SPACA9: variants seen among roughly 807,000 people sequenced by gnomAD.
SPACA9 encodes the protein sperm acrosome-associated protein 9.
Under a neutral mutation model 12.5 loss-of-function variants are expected in SPACA9, and 14 were observed. That is an observed-to-expected ratio of 1.12 (90% CI 0.74 to 1.75). The LOEUF is 1.75. SPACA9 is among the 40% of genes most tolerant of loss of function. SPACA9 has a pLI of 0.00. For missense variants in SPACA9, 292 were observed against 291.9 expected (o/e 1.00, Z 0.00); for synonymous variants, 111 against 114.1 (o/e 0.97, Z 0.17).
chr9:132,878,416 C>T, upstream of SPACA9: 1 of 1,236,120 alleles, frequency 8.1e-7, no homozygotes, highest in Non-Finnish European at 1.0e-6. The surrounding 1 kb of genome is among the most constrained non-coding windows in gnomAD (Gnocchi z 4.7). Flanking sequence ...ACCTCCCCGG[C>T]TGACGCGCTC....
Position 132,889,089 on chromosome 9 carries a change from C to T in SPACA9, c.*478C>T. 1 of 994,686 alleles carries T rather than the reference C, an allele frequency of 1.0e-6. No homozygotes were observed. The highest frequency in any genetic ancestry group is 1.2e-6 in the Non-Finnish European group (1 of 834,850). 61.6% of individuals were successfully genotyped at this position (994,686 alleles called of 1,614,324 possible). ...CCGGCCCTCTTGCTTTAACTTCTAA[C>T]ATTTCCACTTCTAAGCATCAGGCTC... On this transcript the variant is annotated 3_prime_UTR_variant, in exon 4 of 4. Coordinates refer to ENST00000356311, the MANE Select transcript of SPACA9 (RefSeq NM_001316897.2).
intron 1 of SPACA9, among the ~76,000 whole-genome samples, chr9:132,881,363 G>C (rs1038167209): frequency 1.3e-5 from 2 of 151,126 alleles, no homozygotes; most frequent in South Asian, 2.1e-4. Flanking sequence ...AGCTACTCAA[G>C]AGGCTGAGGC....
Position 132,887,049 on chromosome 9 carries a change from T to C in SPACA9, c.145-320T>C, listed in dbSNP as rs1844585103. ...CTGGTCTCGAACTCCTGACCTCAAGTGATCCCCGCCCACCTCAGCCTCCCA... is the reference window on the plus strand; with the variant it reads ...CTGGTCTCGAACTCCTGACCTCAAGCGATCCCCGCCCACCTCAGCCTCCCA... On this transcript the variant is annotated intron_variant, in intron 2 of 3. Transcript: ENST00000356311. The surrounding 1 kb of genome is among the most constrained non-coding windows in gnomAD (Gnocchi z 5.4). Among the ~76,000 whole-genome samples, 1 of 151,946 alleles carries C rather than the reference T, an allele frequency of 6.6e-6. No homozygotes were observed. Among genetic ancestry groups the C allele is most frequent in the Non-Finnish European group, 1.5e-5 (1 of 67,968 alleles).
rs771872116 is a variant in SPACA9 at position 132,887,623 on chromosome 9, C to A, written c.347+52C>A. ...GGCCCCGTGTGTGCCTGTGGGGAGG[C>A]CTCTGTCCTGCTTCTTTCCTGTTGC... On this transcript the variant is annotated intron_variant, in intron 3 of 3. Coordinates refer to ENST00000356311, the MANE Select transcript of SPACA9 (RefSeq NM_001316897.2). This position sits in a 1 kb window ranked among gnomAD's most constrained non-coding sequence, Gnocchi z 5.4. 1 of 1,499,008 alleles carries A rather than the reference C, an allele frequency of 6.7e-7. No individual in the cohort carries two copies. The highest frequency in any genetic ancestry group is 1.1e-5 in the South Asian group (1 of 88,114). 92.9% of individuals were successfully genotyped at this position (1,499,008 alleles called of 1,614,324 possible).
chr9:132,878,398 C>G (rs762190956), upstream of SPACA9: 194 of 1,241,940 alleles, frequency 1.6e-4, no homozygotes, highest in Non-Finnish European at 1.8e-4. The surrounding 1 kb of genome is among the most constrained non-coding windows in gnomAD (Gnocchi z 4.7). Flanking sequence ...CGGGTCGCCC[C>G]CGCCCCGACC....
downstream of SPACA9, chr9:132,890,186 G>C (rs1323375360): frequency 1.3e-5 from 5 of 375,168 alleles, no homozygotes; most frequent in Non-Finnish European, 2.4e-5. Context: ...CGGCTTCTAA[G>C]AGGCTCATGC....
upstream of SPACA9, chr9:132,878,734 G>A (rs970105922): frequency 1.0e-6 from 1 of 986,696 alleles, no homozygotes; most frequent in Non-Finnish European, 1.2e-6. The surrounding 1 kb of genome is among the most constrained non-coding windows in gnomAD (Gnocchi z 4.7). Context: ...GAGGTTCGAG[G>A]ATCGGGTGGA....
chr9:132,886,489 CAG>C (rs970802096), intron 2 of SPACA9, among the ~76,000 whole-genome samples: 34 of 152,316 alleles, frequency 2.2e-4, no homozygotes, highest in African/African-American at 8.2e-4. Context: ...GGCATTAAGT[CAG>C]GGGGCAGCCC....
In SPACA9 at chr9:132,889,030, A is replaced by G. The variant is rs186474327; in HGVS notation, c.*419A>G. On this transcript the variant is annotated 3_prime_UTR_variant, in exon 4 of 4. Transcript: ENST00000356311. ...GATCTACCCTCGTGATCGGCCTCCCAAAGTGCTGGGATTACAGGCGTGAGC... is the reference window on the plus strand; with the variant it reads ...GATCTACCCTCGTGATCGGCCTCCCGAAGTGCTGGGATTACAGGCGTGAGC... The G allele has an allele frequency of 6.2e-5, 61 of 976,976 alleles. No individual in the cohort carries two copies. The African/African-American group carries it at 1.0e-3, about 16-fold the overall frequency. The allele number at this position is 976,976 out of a possible 1,614,324, so 60.5% of individuals were successfully genotyped here. A position where few individuals can be genotyped will look rare whatever the true frequency, so the allele number is the denominator to read the frequency against.
chr9:132,887,513 C>T lies in SPACA9; in HGVS notation c.289C>T (p.Leu97=). 1 of 1,614,086 alleles carries T rather than the reference C, an allele frequency of 6.2e-7. No homozygotes were observed. Among genetic ancestry groups the T allele is most frequent in the Non-Finnish European group, 8.5e-7 (1 of 1,180,004 alleles). The change falls in exon 3 of 4, where the codon CTG becomes TTG. Residue 97 remains leucine, a synonymous_variant. Transcript: ENST00000356311. This position sits in a 1 kb window ranked among gnomAD's most constrained non-coding sequence, Gnocchi z 5.4. The part of the protein sequence containing the change: ...HSGTPVTNNL[L]EKCKTLVSQS... Reference sequence around the variant, plus strand: ...TGGCACCCCAGTCACCAACAACCTCCTGGAGAAATGCAAAACCCTCGTTAG... The same window carrying T: ...TGGCACCCCAGTCACCAACAACCTCTTGGAGAAATGCAAAACCCTCGTTAG...
Position 132,888,850 on chromosome 9 carries a change from C to T in SPACA9, c.*239C>T, listed in dbSNP as rs934408291. On this transcript the variant is annotated 3_prime_UTR_variant, in exon 4 of 4. Transcript: ENST00000356311. This position sits in a 1 kb window ranked among gnomAD's most constrained non-coding sequence, Gnocchi z 5.0. ...TGGCGCAACCTCGGCTCACTGCAAC[C>T]TCCGCCTCCCAGGTTCACGCCATTC... is the stretch of plus-strand genomic sequence containing the variant. 3.3e-6 allele frequency: 3 copies of T among 921,774 alleles called. No homozygotes were observed. The highest frequency in any genetic ancestry group is 4.4e-6 in the Non-Finnish European group (3 of 688,086). 57.1% of individuals were successfully genotyped at this position (921,774 alleles called of 1,614,324 possible).
At position 132,889,569 on chromosome 9, in the gene SPACA9, CTAAT is replaced by C. The variant is rs1844687743; in HGVS notation, c.*960_*963del. On this transcript the variant is annotated 3_prime_UTR_variant, in exon 4 of 4. Transcript: ENST00000356311. ...TACAGGCGCCCACCACCCCACCTGG[CTAAT>C]TTATATATATATATATTTTTTAGTA... The C allele has an allele frequency of 2.8e-6, 1 of 359,252 alleles. No homozygotes were observed. The highest frequency in any genetic ancestry group is 3.9e-6 in the Non-Finnish European group (1 of 257,948). The allele number at this position is 359,252 out of a possible 1,614,324, so 22.3% of individuals were successfully genotyped here. A position where few individuals can be genotyped will look rare whatever the true frequency, so the allele number is the denominator to read the frequency against.
At chr9:132,886,785 C>T (rs986716253) in intron 2 of SPACA9, among the ~76,000 whole-genome samples, 5 of 151,976 alleles carry the variant, frequency 3.3e-5, no homozygotes, top group African/African-American at 1.2e-4. Context: ...ATCTATCTAT[C>T]TACCCATCCA....
intron 1 of SPACA9, 42 bp downstream of exon 1, chr9:132,879,056 C>G (rs1844292144): frequency 6.6e-6 from 1 of 152,480 alleles, no homozygotes; most frequent in Non-Finnish European, 1.5e-5. Context: ...CGGACCCCAC[C>G]CCGGCCTCTG....
chr9:132,882,412 C>T (rs1844453513), intron 1 of SPACA9, among the ~76,000 whole-genome samples: 1 of 151,896 alleles, frequency 6.6e-6, no homozygotes, highest in African/African-American at 2.4e-5. Flanking sequence ...TTTCATTCCT[C>T]TGATGCCATC....
At position 132,887,397 on chromosome 9, in the gene SPACA9, A is replaced by G. The variant is rs754577385; in HGVS notation, c.173A>G (p.Asn58Ser). Residue 58 changes from asparagine (N) to serine (S), a missense_variant, in exon 3 of 4, where the codon AAC (asparagine) becomes AGC (serine). Asn to Ser is a conservative substitution (Grantham distance 46). Transcript: ENST00000356311. This position sits in a 1 kb window ranked among gnomAD's most constrained non-coding sequence, Gnocchi z 5.4. ...CAGAGCTACATGGAACACTACTGCAACAGCTCCACAGACCGGCGGGTTCTG... is the reference window on the plus strand; with the variant it reads ...CAGAGCTACATGGAACACTACTGCAGCAGCTCCACAGACCGGCGGGTTCTG... Reference protein sequence around the residue: ...QVQSYMEHYCNSSTDRRVLLM... With the variant: ...QVQSYMEHYCSSSTDRRVLLM... 9.3e-6 allele frequency: 15 copies of G among 1,613,106 alleles called. No individual in the cohort carries two copies. The highest frequency in any genetic ancestry group is 1.3e-5 in the Non-Finnish European group (15 of 1,180,004).
At chr9:132,890,253 A>G, downstream of SPACA9, 1 of 274,532 alleles carries the variant, frequency 3.6e-6, no homozygotes, top group Non-Finnish European at 6.8e-6. Context: ...AGTCTAGTTA[A>G]GAGACCTAGT....
At chr9:132,881,116 GC>G (rs1016745371) in intron 1 of SPACA9, among the ~76,000 whole-genome samples, 3 of 151,624 alleles carry the variant, frequency 2.0e-5, no homozygotes, top group Non-Finnish European at 4.4e-5. Flanking sequence ...GAGCTACCGC[GC>G]CCAGCCAGCA....
chr9:132,880,487 C>T (rs1002421194), intron 1 of SPACA9, among the ~76,000 whole-genome samples: 1 of 152,106 alleles, frequency 6.6e-6, no homozygotes, highest in South Asian at 2.1e-4. Flanking sequence ...AGGGAAAAGC[C>T]AGGCCGAAAG....
Sources: allele counts gnomAD v4.1 joint callset (sites outside exome capture counted in the v4.1 genomes callset), GRCh38; gene constraint gnomAD v4.1.1; non-coding constraint Gnocchi (gnomAD v3.1); transcripts MANE v1.5; gene names NCBI Gene and HGNC (gene_info 2026-07-23, HGNC 2026-07-21).